Variants in MS4A6E observed in about 807,000 individuals in gnomAD.
MS4A6E encodes the protein membrane-spanning 4-domains subfamily A member 6E.
In MS4A6E, 8 loss-of-function variants were observed where a neutral mutation model predicts 13.2. The ratio of observed to expected loss-of-function variants is 0.60; its 90% CI spans 0.35 to 1.09. The LOEUF (loss-of-function observed/expected upper bound fraction) is 1.09. Among genes scored for constraint, MS4A6E ranks in the 50% least tolerant of loss-of-function variants. The pLI is 0.02. For synonymous variants in MS4A6E, 72 were observed against 67.6 expected (o/e 1.06, Z -0.32); for missense variants, 177 against 171.1 (o/e 1.03, Z -0.19).
In MS4A6E at chr11:60,340,758, G is replaced by A; in HGVS notation, c.*10-18G>A. 1 of 202,380 alleles carries A rather than the reference G, an allele frequency of 4.9e-6. No homozygotes were observed. Among genetic ancestry groups the A allele is most frequent in the South Asian group, 9.8e-5 (1 of 10,244 alleles). The allele number at this position is 202,380 out of a possible 1,614,324, so 12.5% of individuals were successfully genotyped here. On this transcript the variant is annotated intron_variant, in intron 4 of 4. Transcript: ENST00000684409. ...ACATACTTTGTTTCTTCTAAAGTGTGCTTTTCCTGCCTCACAGTTACTCAT... is the reference window on the plus strand; with the variant it reads ...ACATACTTTGTTTCTTCTAAAGTGTACTTTTCCTGCCTCACAGTTACTCAT...
At chr11:60,345,785 C>T (rs2085253652), downstream of MS4A6E, among the ~76,000 whole-genome samples, 1 of 152,178 alleles carries the variant, frequency 6.6e-6, no homozygotes, top group Non-Finnish European at 1.5e-5. Flanking sequence ...AATTTGGTGG[C>T]TTCTGGGACC....
chr11:60,338,743 G>A (rs944027762), intron 3 of MS4A6E: 11 of 152,216 alleles, frequency 7.2e-5, no homozygotes, highest in African/African-American at 2.7e-4. Context: ...AATATTTATT[G>A]TCCTGCAATC....
rs905683042 is a variant in MS4A6E at position 60,337,627 on chromosome 11, C to T, written c.148-114C>T. 23 of 1,294,728 alleles carry T rather than the reference C, an allele frequency of 1.8e-5. No individual in the cohort carries two copies. In the Admixed American group the frequency reaches 3.0e-4, roughly 17 times the overall value. 80.2% of individuals were successfully genotyped at this position (1,294,728 alleles called of 1,614,324 possible). A position where few individuals can be genotyped will look rare whatever the true frequency, so the allele number is the denominator to read the frequency against. On this transcript the variant is annotated intron_variant, in intron 2 of 4. Coordinates refer to ENST00000684409, the MANE Select transcript of MS4A6E (RefSeq NM_139249.4). The stretch of plus-strand genomic sequence containing the variant: ...GGCCTACAACAAGAAATGATCCCTC[C>T]GGGACTTCCTGAGGGAGACAGATAA...
chr11:60,342,066 G>C (rs920729686), downstream of MS4A6E, among the ~76,000 whole-genome samples: 1 of 151,684 alleles, frequency 6.6e-6, no homozygotes, highest in South Asian at 2.1e-4. Context: ...TTTGAGCACA[G>C]AATAAAGACA....
rs762621788 is a variant in MS4A6E at position 60,339,495 on chromosome 11, C to A, written c.355-371C>A. Reference sequence around the variant, plus strand: ...ACTTGTCCAGGCTTACACAGCTACTCAGCAGTAAAGATGAGACTATAATGG... The same window carrying A: ...ACTTGTCCAGGCTTACACAGCTACTAAGCAGTAAAGATGAGACTATAATGG... On this transcript the variant is annotated intron_variant, in intron 3 of 4. Coordinates refer to ENST00000684409, the MANE Select transcript of MS4A6E (RefSeq NM_139249.4). Among the ~76,000 whole-genome samples, 16 of 152,144 alleles carry A rather than the reference C, an allele frequency of 1.1e-4. No homozygotes were observed. In the South Asian group the frequency reaches 1.7e-3, roughly 16 times the overall value.
At chr11:60,343,320 C>T (rs1418513480), downstream of MS4A6E, among the ~76,000 whole-genome samples, 1 of 152,038 alleles carries the variant, frequency 6.6e-6, no homozygotes, top group Admixed American at 6.5e-5. Context: ...CTTTACTAGA[C>T]GCGTTAATAT....
intron 1 of MS4A6E, among the ~76,000 whole-genome samples, chr11:60,329,835 T>A (rs2085142892): frequency 6.6e-6 from 1 of 151,426 alleles, no homozygotes; most frequent in Non-Finnish European, 1.5e-5. Context: ...TTTTTTTTTT[T>A]TTTTTTTTGA....
rs71036576 is a variant in MS4A6E, at chr11:60,330,335, CTTTTTTTTTTTTTTT to C, written c.-15+2938_-15+2952del. 2.1e-4 allele frequency among the ~76,000 whole-genome samples: 13 copies of C among 61,170 alleles called. 1 individual carries two copies. The highest frequency in any genetic ancestry group is 7.4e-4 in the African/African-American group (13 of 17,590). The allele number at this position is 61,170 out of a possible 152,430, so 40.1% of individuals were successfully genotyped here. On this transcript the variant is annotated intron_variant, in intron 1 of 4. Coordinates refer to ENST00000684409, the MANE Select transcript of MS4A6E (RefSeq NM_139249.4). ...TAGATCCCATTTGTTAATTTTGGCT[CTTTTTTTTTTTTTTT>C]TTTTTTTTTTAGGCGGAGTCTCACT... is the stretch of plus-strand genomic sequence containing the variant.
intron 2 of MS4A6E, among the ~76,000 whole-genome samples, chr11:60,336,168 G>T (rs113657752): frequency 4.6e-5 from 7 of 152,260 alleles, no homozygotes; most frequent in Non-Finnish European, 1.0e-4. Context: ...TCTGTGCTGT[G>T]CAATGTAACT....
chr11:60,345,468 T>C (rs1288184355), downstream of MS4A6E, among the ~76,000 whole-genome samples: 2 of 152,212 alleles, frequency 1.3e-5, no homozygotes, highest in Non-Finnish European at 2.9e-5. Flanking sequence ...CTGCATATCC[T>C]GACTGTGGAG....
chr11:60,337,863 G>T lies in MS4A6E; in HGVS notation c.270G>T (p.Lys90Asn). Residue 90 changes from lysine to asparagine, a missense_variant, in exon 3 of 5, where the codon AAG (lysine) becomes AAT (asparagine). Lys to Asn is a moderately conservative substitution (Grantham distance 94, BLOSUM62 0). Transcript: ENST00000684409. ...PASLQCKLDEKDIPTRLLLSY... is the reference protein window; with the variant it reads ...PASLQCKLDENDIPTRLLLSY... ...CATTGCAGTGTAAGTTGGACGAAAA[G>T]GATATACCAACCAGACTTCTTCTTT... The T allele has an allele frequency of 6.2e-7, 1 of 1,614,164 alleles. No homozygotes were observed. The highest frequency in any genetic ancestry group is 8.5e-7 in the Non-Finnish European group (1 of 1,180,034).
chr11:60,341,618 T>TA (rs1163360512), downstream of MS4A6E, among the ~76,000 whole-genome samples: 1 of 151,940 alleles, frequency 6.6e-6, no homozygotes, highest in Non-Finnish European at 1.5e-5. Flanking sequence ...CACACACGTG[T>TA]AAAAAAGTAT....
At chr11:60,342,982 G>T (rs2085237313), downstream of MS4A6E, among the ~76,000 whole-genome samples, 2 of 152,132 alleles carry the variant, frequency 1.3e-5, no homozygotes, top group African/African-American at 2.4e-5. Context: ...AGAGGGTGTT[G>T]GACAGTGACT....
At chr11:60,338,076 T>C in intron 3 of MS4A6E, 129 bp downstream of exon 3, 1 of 851,312 alleles carries the variant, frequency 1.2e-6, no homozygotes, top group Non-Finnish European at 1.8e-6. Context: ...GCCAAGGTTA[T>C]GTAAATCAAA....
intron 1 of MS4A6E, among the ~76,000 whole-genome samples, chr11:60,332,251 T>C (rs2085161084): frequency 6.6e-6 from 1 of 152,362 alleles, no homozygotes; most frequent in South Asian, 2.1e-4. Context: ...CCTAAATGTA[T>C]TAGTCTACTT....
rs1176839306 is a variant in MS4A6E, at chr11:60,333,585, G to C, written c.-14-1297G>C. 2.0e-5 allele frequency among the ~76,000 whole-genome samples: 3 copies of C among 152,162 alleles called. No homozygotes were observed. In the East Asian group the frequency reaches 5.8e-4, roughly 29 times the overall value. ...GATTCCCCTGGTCCTGAAGGAGAGG[G>C]TTGGAGAGTGGGAGATGAAAGCTGA... On this transcript the variant is annotated intron_variant, in intron 1 of 4. Coordinates refer to ENST00000684409, the MANE Select transcript of MS4A6E (RefSeq NM_139249.4).
At chr11:60,337,417 A>G (rs2085194521) in intron 2 of MS4A6E, among the ~76,000 whole-genome samples, 1 of 152,070 alleles carries the variant, frequency 6.6e-6, no homozygotes. Flanking sequence ...GCTTGTGGTC[A>G]CACTCACAGT....
chr11:60,331,010 G>A (rs1445613938), intron 1 of MS4A6E, among the ~76,000 whole-genome samples: 1 of 151,994 alleles, frequency 6.6e-6, no homozygotes, highest in African/African-American at 2.4e-5. Flanking sequence ...TGCTGTTTTG[G>A]TTACTGTAGC....
intron 3 of MS4A6E, among the ~76,000 whole-genome samples, chr11:60,339,582 T>A (rs1178399005): frequency 6.6e-6 from 1 of 152,184 alleles, no homozygotes; most frequent in African/African-American, 2.4e-5. Context: ...GAGTGAACAA[T>A]GTCATCAGAA....
Sources: allele counts gnomAD v4.1 joint callset (sites outside exome capture counted in the v4.1 genomes callset), GRCh38; gene constraint gnomAD v4.1.1; transcripts MANE v1.5; gene names NCBI Gene and HGNC (gene_info 2026-07-23, HGNC 2026-07-21).